Variants in COBL observed in about 807,000 individuals in gnomAD.
The protein encoded by COBL is cordon-bleu WH2 repeat protein.
Under a neutral mutation model 98.8 loss-of-function variants are expected in COBL, and 51 were observed. The observed-to-expected ratio is 0.52, with a 90% CI of 0.41 to 0.65. The LOEUF is 0.65. Ranked by LOEUF, COBL falls within the 30% of genes least tolerant of loss-of-function variation. COBL has a pLI of 0.00. For synonymous variants in COBL, 634 were observed against 651.7 expected (o/e 0.97, Z 0.41); for missense variants, 1,617 against 1,617.5 (o/e 1.00, Z 0.01).
At chr7:51,172,421 T>G (rs772062529) in intron 5 of COBL, 1 of 1,242,100 alleles carries the variant, frequency 8.1e-7, no homozygotes, top group South Asian at 1.3e-5. Flanking sequence ...TTCCAAGCAA[T>G]TAGCGGAAGC....
At position 51,044,344 on chromosome 7, in the gene COBL, T is replaced by A. The variant is rs576726515; in HGVS notation, c.1097-652A>T. The stretch of plus-strand genomic sequence containing the variant: ...CAAGCCAAGTTCTGTCAAGCCTTAA[T>A]ACTAATGATGGGTAGCACTATGGCT... On this transcript the variant is annotated intron_variant, in intron 7 of 12. Coordinates refer to ENST00000265136, the MANE Select transcript of COBL (RefSeq NM_015198.5). 2.0e-5 allele frequency among the ~76,000 whole-genome samples: 3 copies of A among 152,324 alleles called. No individual in the cohort carries two copies. The East Asian group carries it at 5.8e-4, about 29-fold the overall frequency.
At chr7:51,143,438 T>C (rs939106562) in intron 5 of COBL, among the ~76,000 whole-genome samples, 1 of 152,210 alleles carries the variant, frequency 6.6e-6, no homozygotes, top group Non-Finnish European at 1.5e-5. Context: ...CTATACTTCA[T>C]CAAGAGTGAT....
rs1795650700 is a variant in COBL at position 51,240,149 on chromosome 7, G to C, written c.42-20205C>G. Among the ~76,000 whole-genome samples the C allele has an allele frequency of 2.0e-5, 3 of 152,304 alleles. No individual in the cohort carries two copies. The South Asian group carries it at 6.2e-4, about 32-fold the overall frequency. Reference sequence around the variant, plus strand: ...GCTGTACCAAAACAGGATCTGGCCTGTTGACCACAGCTTGCCAAGCCTTGG... The same window carrying C: ...GCTGTACCAAAACAGGATCTGGCCTCTTGACCACAGCTTGCCAAGCCTTGG... On this transcript the variant is annotated intron_variant, in intron 1 of 12. Transcript: ENST00000265136.
chr7:51,131,409 C>T (rs1352792566), intron 6 of COBL, among the ~76,000 whole-genome samples: 1 of 152,110 alleles, frequency 6.6e-6, no homozygotes, highest in Non-Finnish European at 1.5e-5. Context: ...TAAACTTCCA[C>T]AAGTTACTTA....
chr7:51,297,158 C>T (rs148132969), intron 1 of COBL, among the ~76,000 whole-genome samples: 5 of 152,206 alleles, frequency 3.3e-5, no homozygotes, highest in Non-Finnish European at 7.4e-5. Flanking sequence ...TAACACCCAC[C>T]GGGGAAGAAT....
chr7:51,106,384 C>T (rs1258470649), intron 6 of COBL, among the ~76,000 whole-genome samples: 1 of 152,092 alleles, frequency 6.6e-6, no homozygotes, highest in Non-Finnish European at 1.5e-5. Context: ...GTGTAAGGGG[C>T]ATGTTTGCTG....
At chr7:51,291,849 G>A (rs1265877674) in intron 1 of COBL, among the ~76,000 whole-genome samples, 14 of 152,046 alleles carry the variant, frequency 9.2e-5, no homozygotes, top group South Asian at 2.1e-4. Flanking sequence ...GCCTTAAAAC[G>A]TTCAAGCCAA....
intron 6 of COBL, among the ~76,000 whole-genome samples, chr7:51,124,751 G>A (rs879281686): frequency 2.0e-5 from 3 of 152,180 alleles, no homozygotes; most frequent in African/African-American, 4.8e-5. Flanking sequence ...TATTCTGCCT[G>A]TAGACAGGAA....
intron 5 of COBL, 96 bp from the exon 6 acceptor site, chr7:51,136,427 C>G: frequency 7.6e-7 from 1 of 1,315,296 alleles, no homozygotes; most frequent in Non-Finnish European, 1.0e-6. Flanking sequence ...ATCCGTCCAC[C>G]TGAGCTTGAA....
intron 7 of COBL, among the ~76,000 whole-genome samples, chr7:51,077,479 C>T (rs945468367): frequency 6.6e-5 from 10 of 152,192 alleles, no homozygotes; most frequent in Admixed American, 5.9e-4. Context: ...AATCTCAGTT[C>T]TATACAAGGT....
At chr7:51,228,631 A>C (rs1263338293) in intron 1 of COBL, among the ~76,000 whole-genome samples, 4 of 152,190 alleles carry the variant, frequency 2.6e-5, no homozygotes, top group Non-Finnish European at 5.9e-5. Context: ...ATAACAAAAC[A>C]TATCCATAAC....
intron 1 of COBL, among the ~76,000 whole-genome samples, chr7:51,279,779 T>C (rs930158090): frequency 1.3e-5 from 2 of 152,216 alleles, no homozygotes; most frequent in African/African-American, 4.8e-5. Flanking sequence ...CTGTTCCTGC[T>C]CTTTCCCCCT....
chr7:51,185,702 A>G (rs1165660130), intron 4 of COBL, among the ~76,000 whole-genome samples: 1 of 152,262 alleles, frequency 6.6e-6, no homozygotes, highest in Non-Finnish European at 1.5e-5. Context: ...AGAATCATGG[A>G]CTGGGATTTT....
intron 1 of COBL, among the ~76,000 whole-genome samples, chr7:51,299,944 C>T (rs1166862602): frequency 6.6e-6 from 1 of 152,156 alleles, no homozygotes; most frequent in Non-Finnish European, 1.5e-5. Context: ...ATGCTCACTC[C>T]TAGTGGTGCA....
chr7:51,103,920 A>G (rs1796030482), intron 6 of COBL, among the ~76,000 whole-genome samples: 1 of 152,238 alleles, frequency 6.6e-6, no homozygotes, highest in Non-Finnish European at 1.5e-5. Context: ...CCTCGGCCCC[A>G]GCCTCAACCC....
chr7:51,234,184 G>A (rs906601246), intron 1 of COBL, among the ~76,000 whole-genome samples: 2 of 152,164 alleles, frequency 1.3e-5, no homozygotes, highest in Non-Finnish European at 2.9e-5. Flanking sequence ...TCACCTCATC[G>A]TGAACTGTCT....
chr7:51,220,371 C>T (rs1793519638), intron 1 of COBL, among the ~76,000 whole-genome samples: 1 of 152,120 alleles, frequency 6.6e-6, no homozygotes, highest in Admixed American at 6.5e-5. Flanking sequence ...AAATCTATGG[C>T]CAGTTCTGAG....
chr7:51,110,591 A>G (rs563705374), intron 6 of COBL, among the ~76,000 whole-genome samples: 4 of 152,326 alleles, frequency 2.6e-5, no homozygotes, highest in African/African-American at 7.2e-5. Flanking sequence ...ATTTGGTTAC[A>G]TAAGTTCTTC....
chr7:51,049,568 G>A lies in COBL; in HGVS notation c.1097-5876C>T, dbSNP rs146552143. 1.6e-3 allele frequency among the ~76,000 whole-genome samples: 238 copies of A among 152,262 alleles called. 1 individual carries two copies. Among genetic ancestry groups the A allele is most frequent in the Middle Eastern group, 0.01 (3 of 292 alleles). ...ACATTTCAGTCAATTTAAGAGTTGC[G>A]AAGGTGGGATTCATGGACAATACCA... On this transcript the variant is annotated intron_variant, in intron 7 of 12. Coordinates refer to ENST00000265136, the MANE Select transcript of COBL (RefSeq NM_015198.5).
Sources: allele counts gnomAD v4.1 joint callset (sites outside exome capture counted in the v4.1 genomes callset), GRCh38; gene constraint gnomAD v4.1.1; transcripts MANE v1.5; gene names NCBI Gene and HGNC (gene_info 2026-07-23, HGNC 2026-07-21).